Variants in MIDEAS observed in about 807,000 individuals in gnomAD.
The protein encoded by MIDEAS is mitotic deacetylase associated SANT domain protein.
In MIDEAS, 26 loss-of-function variants were observed where a neutral mutation model predicts 102.7. The observed-to-expected ratio is 0.25, with a 90% CI of 0.19 to 0.35. The LOEUF (loss-of-function observed/expected upper bound fraction) is 0.35, where lower values mean the gene tolerates loss of function less well. Among genes scored for constraint, MIDEAS ranks in the 10% least tolerant of loss-of-function variants. The pLI, the probability that MIDEAS is intolerant of heterozygous loss-of-function variation, is 1.00. For missense variants in MIDEAS, 1,231 were observed against 1,435.6 expected (o/e 0.86, Z 2.30); for synonymous variants, 585 against 591.0 (o/e 0.99, Z 0.15).
chr14:73,747,818 G>A (rs1300739059), intron 1 of MIDEAS, among the ~76,000 whole-genome samples: 2 of 152,114 alleles, frequency 1.3e-5, no homozygotes, highest in African/African-American at 2.4e-5. Flanking sequence ...AAGTTTCCCA[G>A]GACCCACCAC....
At chr14:73,760,358 C>G (rs1018662210), upstream of MIDEAS, 4 of 152,284 alleles carry the variant, frequency 2.6e-5, no homozygotes, top group African/African-American at 9.6e-5. This position sits in a 1 kb window ranked among gnomAD's most constrained non-coding sequence, Gnocchi z 4.8. Context: ...CTTCCTGCGA[C>G]CAAATAAGGC....
chr14:73,781,571 C>A (rs1327215706), intron 1 of MIDEAS, among the ~76,000 whole-genome samples: 2 of 151,520 alleles, frequency 1.3e-5, no homozygotes, highest in Non-Finnish European at 2.9e-5. Flanking sequence ...CCTGTCTCTA[C>A]TAAAAATACA....
intron 1 of MIDEAS, among the ~76,000 whole-genome samples, chr14:73,768,511 CTTTTTTTTTT>C (rs59819061): frequency 0.2 from 27,911 of 138,510 alleles, 3,430 homozygotes; most frequent in Non-Finnish European, 0.27. Context: ...TTATTGCCAA[CTTTTTTTTTT>C]TTTTTTTTTT....
chr14:73,749,407 G>T (rs1015310324), intron 1 of MIDEAS, among the ~76,000 whole-genome samples: 2 of 150,772 alleles, frequency 1.3e-5, no homozygotes, highest in African/African-American at 4.9e-5. Flanking sequence ...GCGTGTGGTG[G>T]CCACTATAGT....
intron 5 of MIDEAS, 84 bp from the exon 6 acceptor site, chr14:73,727,056 G>T: frequency 6.7e-7 from 1 of 1,501,970 alleles, no homozygotes. Context: ...GGAAGAAGAT[G>T]AGGGGGAGCC....
chr14:73,754,425 C>G (rs1161398200), intron 1 of MIDEAS, among the ~76,000 whole-genome samples: 1 of 152,246 alleles, frequency 6.6e-6, no homozygotes, highest in African/African-American at 2.4e-5. Context: ...GAGCCACACC[C>G]AGGAGCCAAG....
Position 73,729,800 on chromosome 14 carries a change from A to G in MIDEAS, c.1935T>C (p.Ser645=), listed in dbSNP as rs757166497. The change falls in exon 4 of 13, where the codon TCT becomes TCC. Residue 645 remains serine, a synonymous_variant. Coordinates refer to ENST00000423556, the MANE Select transcript of MIDEAS (RefSeq NM_001367710.1). ...RSPVRLADHP[S]ERSFELPPYT... is the part of the protein sequence containing the mutation. ...AGGGAGGTAGCTCAAAGCTCCGCTC[A>G]GAGGGGTGGTCAGCTAGGCGCACGG... 6.2e-7 allele frequency: 1 copy of G among 1,613,932 alleles called. No individual in the cohort carries two copies. The highest frequency in any genetic ancestry group is 8.5e-7 in the Non-Finnish European group (1 of 1,179,998).
At chr14:73,753,101 AAACCAAGCCTTTCCCCTCTTCCT>A (rs1461364021) in intron 1 of MIDEAS, among the ~76,000 whole-genome samples, 1 of 152,244 alleles carries the variant, frequency 6.6e-6, no homozygotes, top group Non-Finnish European at 1.5e-5. Context: ...CACTAAGCTG[AAACCAAGCCTTTCCCCTCTTCCT>A]GTGCATGTGC....
In MIDEAS at chr14:73,742,158, T is replaced by C. The variant is rs1314430432; in HGVS notation, c.-247-1903A>G. On this transcript the variant is annotated intron_variant, in intron 1 of 12. Transcript: ENST00000423556. The surrounding 1 kb of genome is among the most constrained non-coding windows in gnomAD (Gnocchi z 4.4). ...TCAAGCCCACAGAACTAGAAGTGCGTGTCTGCAGAAGCAAGACAGAGAAAG... is the reference window on the plus strand; with the variant it reads ...TCAAGCCCACAGAACTAGAAGTGCGCGTCTGCAGAAGCAAGACAGAGAAAG... Among the ~76,000 whole-genome samples, 1 of 152,224 alleles carries C rather than the reference T, an allele frequency of 6.6e-6. No homozygotes were observed. The highest frequency in any genetic ancestry group is 2.4e-5 in the African/African-American group (1 of 41,464).
chr14:73,779,832 C>G (rs577269032), intron 1 of MIDEAS, among the ~76,000 whole-genome samples: 2 of 148,552 alleles, frequency 1.3e-5, no homozygotes, highest in African/African-American at 4.9e-5. Flanking sequence ...CCGCCTCGGC[C>G]TTCCAAAGTG....
In MIDEAS at chr14:73,736,988, C is replaced by T; in HGVS notation, c.1749+10G>A. On this transcript the variant is annotated intron_variant, in intron 3 of 12. Transcript: ENST00000423556. ...GCGCTGGAGGTGTTTAGAAGGGGCG[C>T]CTCTCATACCTGAGCTTGAGCATCT... 6.2e-7 allele frequency: 1 copy of T among 1,606,986 alleles called. No individual in the cohort carries two copies. The highest frequency in any genetic ancestry group is 1.1e-5 in the South Asian group (1 of 90,952).
In MIDEAS at chr14:73,729,680, G is replaced by T; in HGVS notation, c.2055C>A (p.Pro685=). 6.2e-7 allele frequency: 1 copy of T among 1,613,694 alleles called. No individual in the cohort carries two copies. The change falls in exon 4 of 13, where the codon CCC becomes CCA. Residue 685 remains proline (P), a synonymous_variant. Coordinates refer to ENST00000423556, the MANE Select transcript of MIDEAS (RefSeq NM_001367710.1). ...ISTSTIPAPP[P]ITPKSAHRTL... is the part of the protein sequence containing the mutation. ...TGCGATGGGCACTCTTAGGCGTGAT[G>T]GGAGGAGGGGCAGGGATGGTGCTGG...
upstream of MIDEAS, among the ~76,000 whole-genome samples, chr14:73,762,134 C>T (rs1426890971): frequency 6.6e-6 from 1 of 152,252 alleles, no homozygotes; most frequent in Non-Finnish European, 1.5e-5. Flanking sequence ...ATCCTCACCT[C>T]CCCTGAGAGC....
At chr14:73,733,452 G>A (rs12884336) in intron 3 of MIDEAS, among the ~76,000 whole-genome samples, 14,901 of 151,704 alleles carry the variant, frequency 0.098, 1,002 homozygotes, top group African/African-American at 0.19. Context: ...TAGCTGGCGT[G>A]GTGGCCTGCA....
chr14:73,739,812 G>A lies in MIDEAS; in HGVS notation c.197C>T (p.Pro66Leu), dbSNP rs750625910. The change falls in exon 2 of 13, where the codon CCT becomes CTT. Residue 66 changes from proline (P) to leucine (L), a missense_variant. Physicochemically the swap from Pro to Leu is moderately conservative, Grantham distance 98. Around this residue, in one of 5 missense-constraint regions of MIDEAS, gnomAD observed 758 missense variants for 856.0 expected, o/e 0.89. Coordinates refer to ENST00000423556, the MANE Select transcript of MIDEAS (RefSeq NM_001367710.1). Reference sequence around the variant, plus strand: ...GTTCAGCAGGGCCAGGCTGCTAGGAGGGGGCAGTTCCACAGGCTGAGAGGT... The same window carrying A: ...GTTCAGCAGGGCCAGGCTGCTAGGAAGGGGCAGTTCCACAGGCTGAGAGGT... ...VSTSQPVELP[P>L]PSSLALLNSV... 15 of 1,612,372 alleles carry A rather than the reference G, an allele frequency of 9.3e-6. No individual in the cohort carries two copies. Among genetic ancestry groups the A allele is most frequent in the Non-Finnish European group, 1.3e-5 (15 of 1,178,940 alleles).
chr14:73,775,009 C>T (rs1272479848), intron 1 of MIDEAS, among the ~76,000 whole-genome samples: 1 of 152,040 alleles, frequency 6.6e-6, no homozygotes, highest in East Asian at 1.9e-4. Context: ...GCCATGGTGG[C>T]AACTCAGGAA....
intron 1 of MIDEAS, among the ~76,000 whole-genome samples, chr14:73,772,544 T>C (rs1158675447): frequency 6.6e-6 from 1 of 152,238 alleles, no homozygotes; most frequent in Non-Finnish European, 1.5e-5. Context: ...TCATGAATTA[T>C]ACAGCCACAT....
In MIDEAS at chr14:73,759,024, G is replaced by A. The variant is rs926042903; in HGVS notation, c.-248+739C>T. 2.0e-5 allele frequency among the ~76,000 whole-genome samples: 3 copies of A among 152,286 alleles called. No homozygotes were observed. The highest frequency in any genetic ancestry group is 4.4e-5 in the Non-Finnish European group (3 of 67,994). Reference sequence around the variant, plus strand: ...CTGCCGCCAGGCACCAGGGAACACAGCTCCCCGCGAGGCACCGCGCGGGCT... The same window carrying A: ...CTGCCGCCAGGCACCAGGGAACACAACTCCCCGCGAGGCACCGCGCGGGCT... On this transcript the variant is annotated intron_variant, in intron 1 of 12. Transcript: ENST00000423556. This position sits in a 1 kb window ranked among gnomAD's most constrained non-coding sequence, Gnocchi z 6.7.
At chr14:73,748,083 G>A (rs901127898) in intron 1 of MIDEAS, among the ~76,000 whole-genome samples, 2 of 152,256 alleles carry the variant, frequency 1.3e-5, no homozygotes, top group Non-Finnish European at 2.9e-5. Context: ...TACAGACCAG[G>A]AATGGTATAC....
Sources: allele counts gnomAD v4.1 joint callset (sites outside exome capture counted in the v4.1 genomes callset), GRCh38; gene constraint gnomAD v4.1.1; regional missense constraint gnomAD v4.1.1; non-coding constraint Gnocchi (gnomAD v3.1); transcripts MANE v1.5; gene names NCBI Gene and HGNC (gene_info 2026-07-23, HGNC 2026-07-21).